The following RGS7 variants were observed in gnomAD, a reference collection of about 807,000 sequenced individuals.
RGS7 encodes regulator of G protein signaling 7, also known as regulator of G-protein signaling 7.
A neutral mutation model predicts 81.1 loss-of-function variants in RGS7; 27 were observed. The observed-to-expected ratio is 0.33, with a 90% CI of 0.25 to 0.46. The LOEUF is 0.46. Ranked by LOEUF, RGS7 falls within the 20% of genes least tolerant of loss-of-function variation. The probability of loss-of-function intolerance (pLI) is 1.00; values close to 1 mark genes in which losing one functional copy is unlikely to be tolerated. For missense variants in RGS7, 396 were observed against 607.4 expected (o/e 0.65, Z 3.66); for synonymous variants, 208 against 207.7 (o/e 1.00, Z -0.01).
chr1:241,117,850 AC>A (rs2065979399), intron 2 of RGS7, among the ~76,000 whole-genome samples: 1 of 152,240 alleles, frequency 6.6e-6, no homozygotes, highest in South Asian at 2.1e-4. Context: ...GGCACTGGGG[AC>A]AATAGCCGGT....
intron 2 of RGS7, among the ~76,000 whole-genome samples, chr1:241,209,147 C>T (rs1184938478): frequency 1.3e-5 from 2 of 152,116 alleles, no homozygotes; most frequent in Non-Finnish European, 2.9e-5. Flanking sequence ...AGTGGTCTGC[C>T]GCAGGGCACT....
chr1:240,823,248 C>T, intron 10 of RGS7: 1 of 692,260 alleles, frequency 1.4e-6, no homozygotes, highest in Admixed American at 1.9e-5. Context: ...CTATGCTCAC[C>T]ACCACCTAAA....
intron 3 of RGS7, among the ~76,000 whole-genome samples, chr1:241,068,285 T>C (rs1047713217): frequency 1.4e-5 from 2 of 141,104 alleles, no homozygotes; most frequent in African/African-American, 5.2e-5. Flanking sequence ...TAATATTACG[T>C]GTATAATCAT....
chr1:240,843,838 T>G (rs2147893531), intron 9 of RGS7, among the ~76,000 whole-genome samples: 1 of 152,262 alleles, frequency 6.6e-6, no homozygotes, highest in African/African-American at 2.4e-5. Flanking sequence ...ACAGCCTATC[T>G]TTTCTTTCTT....
At chr1:240,880,496 C>T (rs1350887503) in intron 6 of RGS7, among the ~76,000 whole-genome samples, 1 of 152,198 alleles carries the variant, frequency 6.6e-6, no homozygotes, top group African/African-American at 2.4e-5. Context: ...TCCTTCAAGG[C>T]CACTGCATTG....
At chr1:241,166,326 A>T (rs1284560486) in intron 2 of RGS7, among the ~76,000 whole-genome samples, 1 of 152,228 alleles carries the variant, frequency 6.6e-6, no homozygotes, top group East Asian at 1.9e-4. Flanking sequence ...ACTGATCAAA[A>T]GACCCTCTGG....
At chr1:241,170,493 A>C (rs1222682571) in intron 2 of RGS7, among the ~76,000 whole-genome samples, 2 of 152,246 alleles carry the variant, frequency 1.3e-5, no homozygotes, top group East Asian at 3.8e-4. Context: ...AGACAGAAAC[A>C]GAGAAAGAAG....
intron 2 of RGS7, among the ~76,000 whole-genome samples, chr1:241,201,719 C>A (rs915252468): frequency 6.6e-6 from 1 of 151,938 alleles, no homozygotes; most frequent in Non-Finnish European, 1.5e-5. Context: ...TTCATTTAAT[C>A]CTCATTAGTT....
At chr1:240,929,552 T>C (rs1311473322) in intron 6 of RGS7, among the ~76,000 whole-genome samples, 1 of 152,188 alleles carries the variant, frequency 6.6e-6, no homozygotes, top group Non-Finnish European at 1.5e-5. Context: ...ATCGACTAAA[T>C]TCAAGTTTCT....
At chr1:240,935,157 C>A (rs1418986067) in intron 5 of RGS7, among the ~76,000 whole-genome samples, 2 of 152,040 alleles carry the variant, frequency 1.3e-5, no homozygotes, top group Non-Finnish European at 2.9e-5. Flanking sequence ...CCTGGCCTCC[C>A]AAAGTGCTGG....
intron 18 of RGS7, among the ~76,000 whole-genome samples, chr1:240,780,122 C>T (rs190420085): frequency 4.6e-5 from 7 of 152,200 alleles, no homozygotes; most frequent in Admixed American, 4.6e-4. Context: ...GCATATATAC[C>T]TATTCTGAGA....
intron 2 of RGS7, among the ~76,000 whole-genome samples, chr1:241,335,694 C>G (rs1573734028): frequency 7.0e-6 from 1 of 143,846 alleles, no homozygotes; most frequent in Non-Finnish European, 1.5e-5. Context: ...TTAAAACACA[C>G]ACACACACAC....
At chr1:241,098,906 T>C in intron 2 of RGS7, 144 bp from the exon 3 acceptor site, 2 of 670,502 alleles carry the variant, frequency 3.0e-6, no homozygotes, top group Non-Finnish European at 5.3e-6. Flanking sequence ...GCCACATTAA[T>C]AGTTTAAATA....
intron 2 of RGS7, among the ~76,000 whole-genome samples, chr1:241,259,667 A>AAAAAAAAAAAAAAATATATATATAT: frequency 2.0e-5 from 1 of 49,144 alleles, no homozygotes; most frequent in Non-Finnish European, 3.6e-5. Flanking sequence ...AAAAAAAAAA[A>AAAAAAAAAAAAAAATATATATATAT]ATATATATAT....
At chr1:241,220,359 C>T (rs2074820598) in intron 2 of RGS7, among the ~76,000 whole-genome samples, 1 of 152,270 alleles carries the variant, frequency 6.6e-6, no homozygotes, top group East Asian at 1.9e-4. Flanking sequence ...GACGCCTGAA[C>T]CATACTGCAG....
intron 18 of RGS7, among the ~76,000 whole-genome samples, chr1:240,794,241 C>T (rs1250932887): frequency 6.6e-6 from 1 of 152,046 alleles, no homozygotes; most frequent in Non-Finnish European, 1.5e-5. Context: ...TCTGAATACT[C>T]TAAGGCTTGT....
chr1:241,061,716 C>G (rs993382008), intron 3 of RGS7, among the ~76,000 whole-genome samples: 1 of 152,164 alleles, frequency 6.6e-6, no homozygotes, highest in African/African-American at 2.4e-5. Flanking sequence ...GGCAAATTAA[C>G]CAGGTGAAGG....
chr1:241,092,464 T>C (rs182768283), intron 3 of RGS7, among the ~76,000 whole-genome samples: 40 of 152,340 alleles, frequency 2.6e-4, no homozygotes, highest in African/African-American at 9.4e-4. Context: ...TTACAGGATA[T>C]GAATTCCAGG....
intron 3 of RGS7, among the ~76,000 whole-genome samples, chr1:241,037,431 C>T (rs917209600): frequency 6.6e-6 from 1 of 152,084 alleles, no homozygotes; most frequent in Non-Finnish European, 1.5e-5. Flanking sequence ...CATCAATCAA[C>T]AAATGGAGGC....
Sources: gnomAD v4.1 joint callset for allele counts (sites outside exome capture counted in the v4.1 genomes callset) on GRCh38, gnomAD v4.1.1 for gene constraint, MANE v1.5 for transcripts, NCBI Gene and HGNC (gene_info 2026-07-23, HGNC 2026-07-21) for gene names.